The following ITK variants were observed in gnomAD, a reference collection of about 807,000 sequenced individuals.
The protein encoded by ITK is IL2 inducible T cell kinase, also known as tyrosine-protein kinase ITK/TSK.
In ITK, 45 loss-of-function variants were observed where a neutral mutation model predicts 87.6. The ratio of observed to expected loss-of-function variants is 0.51; its 90% confidence interval spans 0.40 to 0.66. The LOEUF (loss-of-function observed/expected upper bound fraction) is 0.66, where lower values mean the gene tolerates loss of function less well. Ranked by LOEUF, ITK falls within the 30% of genes least tolerant of loss-of-function variation. The pLI is 0.00. For synonymous variants in ITK, 303 were observed against 273.6 expected (o/e 1.11, Z -1.06); for missense variants, 605 against 766.3 (o/e 0.79, Z 2.48).
At chr5:157,212,666 A>G (rs1754213773) in intron 3 of ITK, among the ~76,000 whole-genome samples, 2 of 152,170 alleles carry the variant, frequency 1.3e-5, no homozygotes, top group African/African-American at 2.4e-5. Flanking sequence ...AGCCTGAGCA[A>G]CATAGTGAGA....
intron 1 of ITK, among the ~76,000 whole-genome samples, chr5:157,193,628 AG>A (rs1311316619): frequency 6.6e-6 from 1 of 152,206 alleles, no homozygotes; most frequent in Non-Finnish European, 1.5e-5. Context: ...ATCTCTATCT[AG>A]GTTACACATA....
chr5:157,185,667 G>A (rs1250475698), intron 1 of ITK, among the ~76,000 whole-genome samples: 4 of 149,314 alleles, frequency 2.7e-5, no homozygotes, highest in African/African-American at 9.9e-5. Flanking sequence ...GCAACATGGT[G>A]AGACTCCGTC....
chr5:157,211,937 G>T (rs887082501), intron 3 of ITK, among the ~76,000 whole-genome samples: 1 of 152,194 alleles, frequency 6.6e-6, no homozygotes, highest in African/African-American at 2.4e-5. Context: ...CCCATAGACA[G>T]CATGCAATAA....
At chr5:157,195,818 G>A (rs1027135564) in intron 1 of ITK, 1 of 152,132 alleles carries the variant, frequency 6.6e-6, no homozygotes, top group African/African-American at 2.4e-5. Flanking sequence ...TTCTGTTTAT[G>A]GTTGCATAAT....
chr5:157,184,238 T>A (rs1753597948), intron 1 of ITK, among the ~76,000 whole-genome samples: 1 of 152,172 alleles, frequency 6.6e-6, no homozygotes, highest in African/African-American at 2.4e-5. Context: ...TGCTTAGGAA[T>A]CCGAGTACAG....
In ITK at chr5:157,197,532, A is replaced by G. The variant is rs1396496107; in HGVS notation, c.139-11357A>G. Among the ~76,000 whole-genome samples, 4 of 152,256 alleles carry G rather than the reference A, an allele frequency of 2.6e-5. No individual in the cohort carries two copies. In the East Asian group the frequency reaches 7.7e-4, roughly 29 times the overall value. On this transcript the variant is annotated intron_variant, in intron 1 of 16. Coordinates refer to ENST00000422843, the MANE Select transcript of ITK (RefSeq NM_005546.4). ...ATTCTGCCACAGTGGAACCTACAAC[A>G]AAGAACCAGTGTTAGCAGCTTGGAA...
rs139023251 is a variant in ITK at position 157,237,026 on chromosome 5, A to C, written c.769-1083A>C. Among the ~76,000 whole-genome samples, 901 of 152,350 alleles carry C rather than the reference A, an allele frequency of 5.9e-3. 11 individuals are homozygous for C. The highest frequency in any genetic ancestry group is 0.02 in the African/African-American group (848 of 41,572). ...TTGGTGATTTCTCAAAAAACTAAAA[A>C]TAAAATTATTATTCAACCCAGCAAT... On this transcript the variant is annotated intron_variant, in intron 8 of 16. Transcript: ENST00000422843.
chr5:157,248,039 C>G (rs1239904131), intron 15 of ITK, among the ~76,000 whole-genome samples: 1 of 152,196 alleles, frequency 6.6e-6, no homozygotes, highest in Admixed American at 6.5e-5. Flanking sequence ...TCTAGAGATT[C>G]TGATCCACTG....
chr5:157,203,826 A>G (rs1415797002), intron 1 of ITK, among the ~76,000 whole-genome samples: 1 of 152,222 alleles, frequency 6.6e-6, no homozygotes, highest in African/African-American at 2.4e-5. Flanking sequence ...TACAAAAGCA[A>G]GTTCTAGACT....
intron 1 of ITK, 146 bp from the exon 2 acceptor site, chr5:157,208,743 G>A (rs948530899): frequency 1.5e-6 from 1 of 674,764 alleles, no homozygotes; most frequent in Non-Finnish European, 2.7e-6. Context: ...CTTAGGGCCA[G>A]GAGGCAGTTT....
rs770931674 is a variant in ITK, at chr5:157,222,963, G to A, written c.596G>A (p.Cys199Tyr). ...ELALRRNEEY[C>Y]LLDSSEIHWW... Reference sequence around the variant, plus strand: ...GCACTGCGGCGCAACGAAGAGTACTGCCTGCTGGACAGTTCTGAGATTCAC... The same window carrying A: ...GCACTGCGGCGCAACGAAGAGTACTACCTGCTGGACAGTTCTGAGATTCAC... Residue 199 changes from cysteine (C) to tyrosine (Y), a missense_variant, in exon 6 of 17, where the codon TGC becomes TAC. This residue lies in a region of ITK where 464 missense variants were observed against 578.0 expected (regional missense o/e 0.80). Coordinates refer to ENST00000422843, the MANE Select transcript of ITK (RefSeq NM_005546.4). 6.2e-7 allele frequency: 1 copy of A among 1,614,088 alleles called. No homozygotes were observed. The highest frequency in any genetic ancestry group is 8.5e-7 in the Non-Finnish European group (1 of 1,180,022).
rs148515675 is a variant in ITK, at chr5:157,225,435, T to C, written c.647+2421T>C. Among the ~76,000 whole-genome samples the C allele has an allele frequency of 4.8e-3, 725 of 152,118 alleles. 7 individuals carry two copies. Among genetic ancestry groups the C allele is most frequent in the African/African-American group, 0.016 (681 of 41,502 alleles). Reference sequence around the variant, plus strand: ...TGGAAGTGCCAAGACTGGGTATCATTGAACTTTTAAAAAAAGTCAATCTGA... The same window carrying C: ...TGGAAGTGCCAAGACTGGGTATCATCGAACTTTTAAAAAAAGTCAATCTGA... On this transcript the variant is annotated intron_variant, in intron 6 of 16. Coordinates refer to ENST00000422843, the MANE Select transcript of ITK (RefSeq NM_005546.4).
intron 6 of ITK, among the ~76,000 whole-genome samples, chr5:157,226,650 T>C (rs1351955534): frequency 6.6e-6 from 1 of 152,206 alleles, no homozygotes. Context: ...ACCTACAGTC[T>C]TGATTTCTTC....
intron 1 of ITK, among the ~76,000 whole-genome samples, chr5:157,204,864 A>G (rs1390608221): frequency 6.6e-6 from 1 of 152,212 alleles, no homozygotes; most frequent in Admixed American, 6.5e-5. Flanking sequence ...CAGACACCAC[A>G]AAGCTTTCCT....
chr5:157,252,562 CG>C (rs756940407), intron 16 of ITK, 44 bp from the exon 17 acceptor site: 2 of 1,424,280 alleles, frequency 1.4e-6, no homozygotes, highest in Non-Finnish European at 2.0e-6. Context: ...TTACCTATGA[CG>C]CATAAGTACA....
At chr5:157,219,303 G>A (rs1035828826) in intron 5 of ITK, among the ~76,000 whole-genome samples, 3 of 151,876 alleles carry the variant, frequency 2.0e-5, no homozygotes, top group Admixed American at 6.6e-5. Context: ...AATAGAGACC[G>A]ACTTTTACCA....
At chr5:157,247,454 C>G (rs566177496) in intron 15 of ITK, among the ~76,000 whole-genome samples, 1 of 152,296 alleles carries the variant, frequency 6.6e-6, no homozygotes, top group African/African-American at 2.4e-5. Context: ...CTGCACCAAG[C>G]AAGCAAGGGC....
Position 157,204,017 on chromosome 5 carries a change from C to T in ITK, c.139-4872C>T, listed in dbSNP as rs76716299. On this transcript the variant is annotated intron_variant, in intron 1 of 16. Coordinates refer to ENST00000422843, the MANE Select transcript of ITK (RefSeq NM_005546.4). ...TGTAGTATTTTGTTTTGTTTGTTTGCTTGTTTGAAACGGTGTCCTGCTCTG... is the reference window on the plus strand; with the variant it reads ...TGTAGTATTTTGTTTTGTTTGTTTGTTTGTTTGAAACGGTGTCCTGCTCTG... Among the ~76,000 whole-genome samples the T allele has an allele frequency of 3.4e-3, 517 of 152,204 alleles. 5 individuals carry two copies. Among genetic ancestry groups the T allele is most frequent in the African/African-American group, 0.012 (487 of 41,528 alleles).
At chr5:157,186,849 C>T (rs915274911) in intron 1 of ITK, among the ~76,000 whole-genome samples, 7 of 152,196 alleles carry the variant, frequency 4.6e-5, no homozygotes, top group Non-Finnish European at 8.8e-5. Flanking sequence ...CCGCTTCACC[C>T]CTGCCTGCCA....
Sources: gnomAD v4.1 joint callset for allele counts (sites outside exome capture counted in the v4.1 genomes callset) on GRCh38, gnomAD v4.1.1 for gene constraint, gnomAD v4.1.1 regional missense constraint, MANE v1.5 for transcripts, NCBI Gene and HGNC (gene_info 2026-07-23, HGNC 2026-07-21) for gene names.